B3GLCT: variants seen among roughly 807,000 people sequenced by gnomAD.
The protein encoded by B3GLCT is beta-1,3-glucosyltransferase.
B3GLCT carries 65 observed loss-of-function variants against 63.4 expected under a neutral mutation model. The observed-to-expected ratio is 1.03, with a 90% CI of 0.84 to 1.26. The LOEUF (loss-of-function observed/expected upper bound fraction) is 1.26, where lower values mean the gene tolerates loss of function less well. B3GLCT is among the 50% of genes most tolerant of loss of function. B3GLCT has a pLI of 0.00. For synonymous variants in B3GLCT, 233 were observed against 219.2 expected, an observed-to-expected ratio of 1.06 and a Z score of -0.55; for missense variants, 577 against 604.8, an observed-to-expected ratio of 0.95 and a Z score of 0.48.
chr13:31,321,560 CAT>C (rs747051682), intron 13 of B3GLCT, among the ~76,000 whole-genome samples: 26 of 152,218 alleles, frequency 1.7e-4, no homozygotes, highest in Non-Finnish European at 3.1e-4. Flanking sequence ...ACACATGAAA[CAT>C]ATAAATGGTT....
intron 7 of B3GLCT, among the ~76,000 whole-genome samples, chr13:31,263,718 G>A (rs1872155468): frequency 1.3e-5 from 2 of 152,168 alleles, no homozygotes; most frequent in African/African-American, 4.8e-5. Flanking sequence ...GAGACCACAG[G>A]TCCATGATTC....
intron 13 of B3GLCT, among the ~76,000 whole-genome samples, chr13:31,318,175 C>G (rs1265564168): frequency 1.3e-5 from 2 of 152,144 alleles, no homozygotes; most frequent in Non-Finnish European, 2.9e-5. Flanking sequence ...TCTGCCTAAT[C>G]TCATACGAAG....
chr13:31,225,128 A>G (rs1234245505), intron 3 of B3GLCT, among the ~76,000 whole-genome samples: 1 of 152,022 alleles, frequency 6.6e-6, no homozygotes, highest in African/African-American at 2.4e-5. Flanking sequence ...TTAGCCTGTC[A>G]CTCTGATTAT....
chr13:31,322,579 C>G (rs570399027), intron 13 of B3GLCT, among the ~76,000 whole-genome samples: 77 of 152,194 alleles, frequency 5.1e-4, no homozygotes, highest in Middle Eastern at 3.4e-3. Flanking sequence ...TGCTAATAAA[C>G]AAGTGTTATT....
chr13:31,231,874 G>C (rs1870397932), intron 4 of B3GLCT, among the ~76,000 whole-genome samples: 1 of 152,202 alleles, frequency 6.6e-6, no homozygotes, highest in South Asian at 2.1e-4. Context: ...TAGGGCCCAG[G>C]TACAAGAGCA....
chr13:31,205,654 A>G (rs1868912963), intron 1 of B3GLCT, among the ~76,000 whole-genome samples: 1 of 152,146 alleles, frequency 6.6e-6, no homozygotes, highest in Non-Finnish European at 1.5e-5. Flanking sequence ...CTCCCAAGCA[A>G]CTGGGACTAC....
At position 31,200,174 on chromosome 13, in the gene B3GLCT, G is replaced by T. The variant is rs1221414987; in HGVS notation, c.70+20G>T. On this transcript the variant is annotated intron_variant, in intron 1 of 14. Coordinates refer to ENST00000343307, the MANE Select transcript of B3GLCT (RefSeq NM_194318.4). Reference sequence around the variant, plus strand: ...CCCTGGGTAAGTAGCGGGCGGCCAGGCGCGCAAGGGCGAGGCGTGGGGTTC... The same window carrying T: ...CCCTGGGTAAGTAGCGGGCGGCCAGTCGCGCAAGGGCGAGGCGTGGGGTTC... The T allele has an allele frequency of 1.6e-6, 2 of 1,281,856 alleles. No homozygotes were observed. The highest frequency in any genetic ancestry group is 3.2e-5 in the Admixed American group (1 of 30,988). The allele number at this position is 1,281,856 out of a possible 1,614,324, so 79.4% of individuals were successfully genotyped here.
chr13:31,266,057 T>A (rs1872290355), intron 7 of B3GLCT, among the ~76,000 whole-genome samples: 1 of 152,066 alleles, frequency 6.6e-6, no homozygotes. Flanking sequence ...TGGAGTACAG[T>A]GGCGCAGTCT....
chr13:31,286,332 G>A (rs1252295594), intron 11 of B3GLCT, among the ~76,000 whole-genome samples: 1 of 152,202 alleles, frequency 6.6e-6, no homozygotes, highest in Non-Finnish European at 1.5e-5. Flanking sequence ...GGTGCCTGGG[G>A]TTCTAACAGC....
chr13:31,245,609 CATT>C (rs1409811378), intron 4 of B3GLCT, among the ~76,000 whole-genome samples: 1 of 152,094 alleles, frequency 6.6e-6, no homozygotes, highest in South Asian at 2.1e-4. Context: ...CATAATAACT[CATT>C]AGCTACTTTT....
intron 13 of B3GLCT, among the ~76,000 whole-genome samples, chr13:31,318,538 T>C (rs1875173577): frequency 6.6e-6 from 1 of 152,194 alleles, no homozygotes; most frequent in Non-Finnish European, 1.5e-5. Context: ...GGCTCTTTTG[T>C]AGTGATAACC....
rs535886445 is a variant in B3GLCT, at chr13:31,289,870, T to A, written c.1064+3051T>A. ...CATTTTCCAATAACATTGGTAGTTTTTTTTTTTTAATTATACTTTAAGTTC... is the reference window on the plus strand; with the variant it reads ...CATTTTCCAATAACATTGGTAGTTTATTTTTTTTAATTATACTTTAAGTTC... On this transcript the variant is annotated intron_variant, in intron 12 of 14. Transcript: ENST00000343307. Among the ~76,000 whole-genome samples the A allele has an allele frequency of 5.5e-3, 836 of 152,254 alleles. 12 individuals carry two copies. The highest frequency in any genetic ancestry group is 0.019 in the African/African-American group (803 of 41,542).
At chr13:31,208,904 G>A (rs886553265) in intron 1 of B3GLCT, among the ~76,000 whole-genome samples, 4 of 151,716 alleles carry the variant, frequency 2.6e-5, no homozygotes, top group East Asian at 2.0e-4. Flanking sequence ...CCAGCCACCC[G>A]TCCCCACAGG....
Position 31,296,956 on chromosome 13 carries a change from A to G in B3GLCT, c.1064+10137A>G, listed in dbSNP as rs76357444. ...CTAACCCCATCCCCTGGCAACCATC[A>G]TTCTATTTTCTGCCTCTATGATTTT... On this transcript the variant is annotated intron_variant, in intron 12 of 14. Coordinates refer to ENST00000343307, the MANE Select transcript of B3GLCT (RefSeq NM_194318.4). Among the ~76,000 whole-genome samples the G allele has an allele frequency of 5.5e-3, 836 of 151,712 alleles. 12 individuals are homozygous for G. The highest frequency in any genetic ancestry group is 0.019 in the African/African-American group (803 of 41,378).
intron 6 of B3GLCT, among the ~76,000 whole-genome samples, chr13:31,255,791 A>T (rs184408437): frequency 6.6e-6 from 1 of 152,352 alleles, no homozygotes; most frequent in East Asian, 1.9e-4. Flanking sequence ...CTTATGAAAA[A>T]ATTAAAATGG....
At chr13:31,302,531 G>C (rs1874276780) in intron 12 of B3GLCT, among the ~76,000 whole-genome samples, 1 of 127,368 alleles carries the variant, frequency 7.9e-6, no homozygotes, top group Non-Finnish European at 1.7e-5. Flanking sequence ...CAAGGGGTCA[G>C]GGAGTTCCCT....
chr13:31,295,283 G>A (rs1211066451), intron 12 of B3GLCT, among the ~76,000 whole-genome samples: 1 of 152,172 alleles, frequency 6.6e-6, no homozygotes, highest in African/African-American at 2.4e-5. Context: ...CAGTCAGGAG[G>A]CACAGGGTTC....
At chr13:31,258,585 T>C (rs73172885) in intron 6 of B3GLCT, among the ~76,000 whole-genome samples, 74 of 152,316 alleles carry the variant, frequency 4.9e-4, no homozygotes, top group Non-Finnish European at 9.7e-4. Context: ...ACTGTACAAA[T>C]GCTCCACCAT....
At chr13:31,269,643 GC>G (rs960047436) in intron 8 of B3GLCT, among the ~76,000 whole-genome samples, 2 of 136,704 alleles carry the variant, frequency 1.5e-5, no homozygotes, top group South Asian at 2.2e-4. Flanking sequence ...TCATGTCCCC[GC>G]CCCCCTAATT....
Sources: allele counts gnomAD v4.1 joint callset (sites outside exome capture counted in the v4.1 genomes callset), GRCh38; gene constraint gnomAD v4.1.1; transcripts MANE v1.5; gene names NCBI Gene and HGNC (gene_info 2026-07-23, HGNC 2026-07-21).